The following RBPJ variants were observed in gnomAD, a reference collection of about 807,000 sequenced individuals.
The protein encoded by RBPJ is recombining binding protein suppressor of hairless.
A neutral mutation model predicts 67.8 loss-of-function variants in RBPJ; 9 were observed. The ratio of observed to expected loss-of-function variants is 0.13; its 90% CI spans 0.08 to 0.23. The LOEUF is 0.23. Among genes scored for constraint, RBPJ ranks in the 10% least tolerant of loss-of-function variants. The pLI is 1.00. For synonymous variants in RBPJ, 198 were observed against 203.3 expected (o/e 0.97, Z 0.22); for missense variants, 305 against 595.6 (o/e 0.51, Z 5.08).
At chr4:26,319,718 C>A (rs1169159209), upstream of RBPJ, 2 of 733,852 alleles carry the variant, frequency 2.7e-6, no homozygotes, top group Non-Finnish European at 5.0e-6. Flanking sequence ...GCATTGGGTA[C>A]ATGCGCAGTG....
the RBPJ span, among the ~76,000 whole-genome samples, chr4:26,153,011 G>A: frequency 6.6e-6 from 1 of 152,142 alleles, no homozygotes; most frequent in Non-Finnish European, 1.5e-5. Context: ...GAGATACCAT[G>A]CGGATGGCAC....
chr4:26,215,297 A>C (rs1718664277), intron 1 of RBPJ, among the ~76,000 whole-genome samples: 1 of 99,840 alleles, frequency 1.0e-5, no homozygotes, highest in African/African-American at 4.5e-5. Flanking sequence ...AGAAAGAGAA[A>C]AAGAGAGAGA....
intron 1 of RBPJ, among the ~76,000 whole-genome samples, chr4:26,358,922 CT>C (rs1727711573): frequency 6.6e-6 from 1 of 152,162 alleles, no homozygotes; most frequent in East Asian, 1.9e-4. Flanking sequence ...TCTTTTCCCC[CT>C]TCCACTGTTT....
At chr4:26,270,306 G>A (rs1422558065) in intron 1 of RBPJ, among the ~76,000 whole-genome samples, 2 of 125,380 alleles carry the variant, frequency 1.6e-5, no homozygotes, top group East Asian at 4.8e-4. Flanking sequence ...GGGAAGGGGA[G>A]GGGAGGAGGG....
the RBPJ span, among the ~76,000 whole-genome samples, chr4:26,125,524 T>C: frequency 6.6e-6 from 1 of 152,094 alleles, no homozygotes; most frequent in Non-Finnish European, 1.5e-5. Context: ...TTGGGTCAGG[T>C]GCAATGGCTC....
At chr4:26,282,490 A>G (rs1369873625) in intron 1 of RBPJ, among the ~76,000 whole-genome samples, 2 of 152,090 alleles carry the variant, frequency 1.3e-5, no homozygotes, top group South Asian at 2.1e-4. Flanking sequence ...ATTACAACAA[A>G]TCAAATGAGC....
chr4:26,248,999 T>G (rs1247829782), intron 1 of RBPJ, among the ~76,000 whole-genome samples: 2 of 152,146 alleles, frequency 1.3e-5, no homozygotes, highest in African/African-American at 4.8e-5. Flanking sequence ...CTAGAGACAG[T>G]TTTTCAAGGT....
At chr4:26,151,970 T>C in the RBPJ span, among the ~76,000 whole-genome samples, 1 of 152,306 alleles carries the variant, frequency 6.6e-6, no homozygotes, top group African/African-American at 2.4e-5. Flanking sequence ...ACAATTGGGC[T>C]TTTGGGGTCT....
chr4:26,321,878 T>G (rs1487699427), intron 1 of RBPJ: 2 of 152,238 alleles, frequency 1.3e-5, no homozygotes, highest in Non-Finnish European at 1.5e-5. Flanking sequence ...TACGGTTTGT[T>G]GTTTTGTGGG....
At chr4:26,320,135 G>A (rs978025872), upstream of RBPJ, among the ~76,000 whole-genome samples, 1 of 152,220 alleles carries the variant, frequency 6.6e-6, no homozygotes, top group Admixed American at 6.5e-5. Context: ...GCACGCGAGC[G>A]GCAAGAGCTT....
intron 1 of RBPJ, among the ~76,000 whole-genome samples, chr4:26,214,761 AG>A (rs1577480336): frequency 1.7e-4 from 9 of 53,352 alleles, no homozygotes; most frequent in East Asian, 2.2e-3. Flanking sequence ...AGAAAAAGAG[AG>A]AAAAAAGAGA....
chr4:26,105,974 T>G, the RBPJ span, among the ~76,000 whole-genome samples: 1 of 152,212 alleles, frequency 6.6e-6, no homozygotes, highest in East Asian at 1.9e-4. Flanking sequence ...TTACTAAATT[T>G]GTGGCAACAA....
intron 1 of RBPJ, among the ~76,000 whole-genome samples, chr4:26,274,645 G>C (rs959792344): frequency 6.6e-6 from 1 of 151,588 alleles, no homozygotes; most frequent in Admixed American, 6.6e-5. Flanking sequence ...CAAAAAAAAA[G>C]AAGAAGAAGG....
chr4:26,297,833 C>CA (rs1354769038), intron 1 of RBPJ, among the ~76,000 whole-genome samples: 2 of 150,582 alleles, frequency 1.3e-5, no homozygotes, highest in Non-Finnish European at 3.0e-5. Flanking sequence ...GAGAAAAAAA[C>CA]AAAAAACAAA....
chr4:26,270,974 G>GA (rs914466746), intron 1 of RBPJ, among the ~76,000 whole-genome samples: 15 of 152,056 alleles, frequency 9.9e-5, no homozygotes, highest in East Asian at 7.7e-4. Context: ...ATTTTGAGGA[G>GA]AAAAAAACCA....
chr4:26,242,433 C>T (rs536974373), intron 1 of RBPJ, among the ~76,000 whole-genome samples: 9 of 137,416 alleles, frequency 6.5e-5, no homozygotes, highest in East Asian at 2.1e-4. Flanking sequence ...GACAACAGAG[C>T]GAGACTCTGT....
intron 1 of RBPJ, 69 bp from the exon 2 acceptor site, chr4:26,386,284 T>TGAAAAGCTTTCTGTA: frequency 7.3e-6 from 8 of 1,099,432 alleles, no homozygotes; most frequent in Non-Finnish European, 9.3e-6. Context: ...TTATGATGCC[T>TGAAAAGCTTTCTGTA]GAAAAGCTTT....
rs56940118 is a variant in RBPJ, at chr4:26,210,744, C to CTTTCT, written c.-167+47132_-167+47133insTCTTT. 8.0e-3 allele frequency among the ~76,000 whole-genome samples: 380 copies of CTTTCT among 47,696 alleles called. 11 individuals carry two copies. The highest frequency in any genetic ancestry group is 0.01 in the Non-Finnish European group (251 of 24,682). The allele number at this position is 47,696 out of a possible 152,430, so 31.3% of individuals were successfully genotyped here. Reference sequence around the variant, plus strand: ...CTTTCTTTCCTTCTTTACTTCTTTCCTTCTTTCCTTCTTTCTTTCTTTCTT... The same window carrying CTTTCT: ...CTTTCTTTCCTTCTTTACTTCTTTCCTTTCTTTCTTTCCTTCTTTCTTTCTTTCTT... On this transcript the variant is annotated intron_variant, in intron 1 of 4. Coordinates refer to the RBPJ transcript ENST00000512351.
chr4:26,130,744 A>G, the RBPJ span, among the ~76,000 whole-genome samples: 11 of 152,178 alleles, frequency 7.2e-5, no homozygotes, highest in Non-Finnish European at 1.6e-4. Context: ...GTTGATGTGA[A>G]TTATGTTTCT....
Sources: gnomAD v4.1 joint callset for allele counts (sites outside exome capture counted in the v4.1 genomes callset) on GRCh38, gnomAD v4.1.1 for gene constraint, MANE v1.5 for transcripts, NCBI Gene and HGNC (gene_info 2026-07-23, HGNC 2026-07-21) for gene names.